Variants in PCOLCE2 observed in about 807,000 individuals in gnomAD.
PCOLCE2 encodes the protein procollagen C-proteinase enhancer 2.
PCOLCE2 carries 42 observed loss-of-function variants against 47.0 expected under a neutral mutation model. The ratio of observed to expected loss-of-function variants is 0.89; its 90% CI spans 0.70 to 1.16. The LOEUF (loss-of-function observed/expected upper bound fraction) is 1.16. Ranked by LOEUF, PCOLCE2 falls within the 50% of genes most tolerant of loss-of-function variation. The pLI, the probability that PCOLCE2 is intolerant of heterozygous loss-of-function variation, is 0.00. For missense variants in PCOLCE2, 500 were observed against 526.1 expected (o/e 0.95, Z 0.49); for synonymous variants, 169 against 191.7 (o/e 0.88, Z 0.98).
At chr3:142,872,933 C>T (rs567139612) in intron 2 of PCOLCE2, among the ~76,000 whole-genome samples, 3 of 152,164 alleles carry the variant, frequency 2.0e-5, no homozygotes, top group South Asian at 4.1e-4. Context: ...ATGGTCTAAA[C>T]GGAAAGAAAT....
chr3:142,879,303 T>C (rs1933558742), intron 2 of PCOLCE2, among the ~76,000 whole-genome samples: 1 of 152,214 alleles, frequency 6.6e-6, no homozygotes, highest in African/African-American at 2.4e-5. Flanking sequence ...CATTTTCTTT[T>C]CTACTCATTA....
chr3:142,847,335 G>A (rs1338591893), intron 3 of PCOLCE2, among the ~76,000 whole-genome samples: 1 of 152,102 alleles, frequency 6.6e-6, no homozygotes, highest in Non-Finnish European at 1.5e-5. Context: ...CAACATTCTG[G>A]CTGCTCTTTC....
chr3:142,849,078 G>A (rs1447089604), intron 2 of PCOLCE2, among the ~76,000 whole-genome samples: 6 of 152,034 alleles, frequency 3.9e-5, no homozygotes, highest in East Asian at 3.9e-4. Context: ...GCGTGAACCC[G>A]GGAGGCGGAG....
chr3:142,877,245 G>C (rs1933517067), intron 2 of PCOLCE2, among the ~76,000 whole-genome samples: 1 of 152,156 alleles, frequency 6.6e-6, no homozygotes, highest in African/African-American at 2.4e-5. Context: ...GGTAGGCAGT[G>C]GCTGGTTGAA....
chr3:142,828,591 C>G (rs1455163748), intron 6 of PCOLCE2, among the ~76,000 whole-genome samples: 2 of 152,024 alleles, frequency 1.3e-5, no homozygotes, highest in African/African-American at 4.8e-5. Flanking sequence ...TGTGGACGTG[C>G]TTGGGAAAAT....
At chr3:142,846,699 T>G (rs1937331667) in intron 3 of PCOLCE2, 1 of 152,234 alleles carries the variant, frequency 6.6e-6, no homozygotes, top group South Asian at 2.1e-4. Context: ...GAGTAATTTC[T>G]ATTTAAGTTC....
chr3:142,876,114 A>G (rs1273911910), intron 2 of PCOLCE2, among the ~76,000 whole-genome samples: 1 of 152,180 alleles, frequency 6.6e-6, no homozygotes, highest in African/African-American at 2.4e-5. Context: ...ATGTCACCTC[A>G]TCAGTGTCAT....
intron 6 of PCOLCE2, among the ~76,000 whole-genome samples, chr3:142,826,106 G>A (rs1188131869): frequency 1.3e-5 from 2 of 151,778 alleles, no homozygotes; most frequent in East Asian, 1.9e-4. Context: ...CTGGGTCCAC[G>A]CCATTCTCCT....
intron 2 of PCOLCE2, among the ~76,000 whole-genome samples, chr3:142,850,492 A>C (rs1044414364): frequency 6.6e-6 from 1 of 152,194 alleles, no homozygotes; most frequent in African/African-American, 2.4e-5. Context: ...GTCAAACCAC[A>C]ATAGAGACTG....
At chr3:142,870,077 T>A (rs1157634753) in intron 2 of PCOLCE2, among the ~76,000 whole-genome samples, 1 of 152,260 alleles carries the variant, frequency 6.6e-6, no homozygotes, top group Non-Finnish European at 1.5e-5. Flanking sequence ...TTAACATATG[T>A]CAATCTGTTA....
chr3:142,874,684 T>C (rs1933463594), intron 2 of PCOLCE2, among the ~76,000 whole-genome samples: 1 of 152,222 alleles, frequency 6.6e-6, no homozygotes, highest in Admixed American at 6.5e-5. Flanking sequence ...AGCTATGAAT[T>C]GATTAATCAA....
chr3:142,872,788 G>A (rs1157451057), intron 2 of PCOLCE2, among the ~76,000 whole-genome samples: 1 of 152,010 alleles, frequency 6.6e-6, no homozygotes, highest in African/African-American at 2.4e-5. Context: ...TACATATCTT[G>A]GGCAAGTGTG....
rs138244472 is a variant in PCOLCE2, at chr3:142,862,948, G to A, written c.193-14476C>T. Reference sequence around the variant, plus strand: ...TGTGCTTAAGGGAATATTTTTATAGGACAAATTCCTAGAAATGGACCTGCT... The same window carrying A: ...TGTGCTTAAGGGAATATTTTTATAGAACAAATTCCTAGAAATGGACCTGCT... On this transcript the variant is annotated intron_variant, in intron 2 of 8. Coordinates refer to ENST00000295992, the MANE Select transcript of PCOLCE2 (RefSeq NM_013363.4). Among the ~76,000 whole-genome samples, 323 of 151,716 alleles carry A rather than the reference G, an allele frequency of 2.1e-3. 1 individual carries two copies. Among genetic ancestry groups the A allele is most frequent in the African/African-American group, 6.4e-3 (263 of 41,398 alleles).
Position 142,820,106 on chromosome 3 carries a change from A to AT in PCOLCE2, c.1117+771_1117+772insA, listed in dbSNP as rs770597866. ...ATAGAAACTTTCTGGAAGGAACTTA[A>AT]ATTTTTTTTTTTTTTATAGAAATAG... On this transcript the variant is annotated intron_variant, in intron 8 of 8. Coordinates refer to ENST00000295992, the MANE Select transcript of PCOLCE2 (RefSeq NM_013363.4). Among the ~76,000 whole-genome samples the AT allele has an allele frequency of 6.0e-3, 883 of 147,076 alleles. 2 individuals are homozygous for AT. Among genetic ancestry groups the AT allele is most frequent in the Non-Finnish European group, 9.5e-3 (639 of 67,360 alleles).
chr3:142,856,694 G>T (rs1933067013), intron 2 of PCOLCE2, among the ~76,000 whole-genome samples: 3 of 152,216 alleles, frequency 2.0e-5, no homozygotes, highest in Admixed American at 2.0e-4. Flanking sequence ...GGTTTTGGCT[G>T]GGGAAAGAGA....
At chr3:142,868,760 G>A (rs975029492) in intron 2 of PCOLCE2, among the ~76,000 whole-genome samples, 6 of 152,306 alleles carry the variant, frequency 3.9e-5, no homozygotes, top group South Asian at 2.1e-4. Context: ...GGCCACGTGC[G>A]TCAGGGATAA....
intron 2 of PCOLCE2, among the ~76,000 whole-genome samples, chr3:142,862,470 T>C (rs1933198066): frequency 6.6e-6 from 1 of 152,240 alleles, no homozygotes. Flanking sequence ...CAATTCCATT[T>C]TTCCTGTGAG....
In PCOLCE2 at chr3:142,821,001, A is replaced by G. The variant is rs771170626; in HGVS notation, c.994T>C (p.Leu332=). ...VITTITRDGS[L]HATVSIINIY... ...TTGATGATCGAGACTGTGGCGTGCA[A>G]ACTCCCATCGCGAGTGATGGTTGTG... The change falls in exon 8 of 9, where the codon TTG becomes CTG. Residue 332 remains leucine (L), a synonymous_variant. Coordinates refer to ENST00000295992, the MANE Select transcript of PCOLCE2 (RefSeq NM_013363.4). 1 of 1,613,734 alleles carries G rather than the reference A, an allele frequency of 6.2e-7. No homozygotes were observed. The highest frequency in any genetic ancestry group is 8.5e-7 in the Non-Finnish European group (1 of 1,179,724).
At chr3:142,833,267 C>A (rs911569154) in intron 5 of PCOLCE2, among the ~76,000 whole-genome samples, 1 of 152,092 alleles carries the variant, frequency 6.6e-6, no homozygotes, top group East Asian at 1.9e-4. Flanking sequence ...TGGCTCACTG[C>A]AACTTCCATC....
Sources: gnomAD v4.1 joint callset for allele counts (sites outside exome capture counted in the v4.1 genomes callset) on GRCh38, gnomAD v4.1.1 for gene constraint, MANE v1.5 for transcripts, NCBI Gene and HGNC (gene_info 2026-07-23, HGNC 2026-07-21) for gene names.